Variants in METTL15 observed in about 807,000 individuals in gnomAD.
METTL15 encodes 12S rRNA N(4)-cytidine methyltransferase METTL15.
METTL15 carries 34 observed loss-of-function variants against 38.3 expected under a neutral mutation model. That is an observed-to-expected ratio of 0.89 (90% CI 0.68 to 1.18). The LOEUF (loss-of-function observed/expected upper bound fraction) is 1.18. Ranked by LOEUF, METTL15 falls within the 50% of genes most tolerant of loss-of-function variation. The probability of loss-of-function intolerance (pLI) is 0.00; values close to 1 mark genes in which losing one functional copy is unlikely to be tolerated. For missense variants in METTL15, 438 were observed against 498.4 expected (o/e 0.88, Z 1.15); for synonymous variants, 162 against 170.9 (o/e 0.95, Z 0.41).
intron 6 of METTL15, among the ~76,000 whole-genome samples, chr11:28,309,487 A>G (rs780248586): frequency 5.9e-5 from 9 of 152,068 alleles, no homozygotes; most frequent in Non-Finnish European, 1.0e-4. Context: ...TTCACTTTGC[A>G]TTTTTAATTA....
At chr11:28,490,626 T>A (rs1455377685) in intron 6 of METTL15, among the ~76,000 whole-genome samples, 1 of 152,118 alleles carries the variant, frequency 6.6e-6, no homozygotes, top group Non-Finnish European at 1.5e-5. Context: ...ATTCTTAATG[T>A]GCAGTTAGGG....
chr11:28,341,633 T>G (rs1184396853), intron 3 of METTL15, among the ~76,000 whole-genome samples: 7 of 152,212 alleles, frequency 4.6e-5, no homozygotes, highest in African/African-American at 1.4e-4. Flanking sequence ...CATGAATATT[T>G]ATATATACAA....
chr11:28,196,932 T>C (rs1851931024), intron 3 of METTL15, among the ~76,000 whole-genome samples: 1 of 151,940 alleles, frequency 6.6e-6, no homozygotes, highest in African/African-American at 2.4e-5. Context: ...TTCCAAACTA[T>C]GATTAGTGGT....
intron 4 of METTL15, among the ~76,000 whole-genome samples, chr11:28,219,715 T>G (rs895770557): frequency 6.6e-6 from 1 of 152,208 alleles, no homozygotes; most frequent in African/African-American, 2.4e-5. Context: ...TAAATTTCCC[T>G]CTACACACTG....
intron 3 of METTL15, among the ~76,000 whole-genome samples, chr11:28,341,305 T>TA (rs1206532381): frequency 5.0e-4 from 76 of 152,296 alleles, no homozygotes; most frequent in Admixed American, 1.6e-3. Context: ...TCTCAAAACT[T>TA]AAAGTATAAT....
intron 3 of METTL15, among the ~76,000 whole-genome samples, chr11:28,131,962 G>A (rs1465035449): frequency 6.6e-6 from 1 of 152,136 alleles, no homozygotes; most frequent in African/African-American, 2.4e-5. Context: ...AATTTAGAGT[G>A]ATTAAAAAAA....
At chr11:28,479,949 A>G (rs935366883) in intron 6 of METTL15, among the ~76,000 whole-genome samples, 6 of 152,096 alleles carry the variant, frequency 3.9e-5, no homozygotes, top group Middle Eastern at 3.2e-3. Context: ...CACCTTATCT[A>G]TTGTTATTGA....
At chr11:28,274,841 C>T (rs1328855687) in intron 4 of METTL15, among the ~76,000 whole-genome samples, 7 of 150,140 alleles carry the variant, frequency 4.7e-5, no homozygotes, top group Non-Finnish European at 8.9e-5. Flanking sequence ...ATGTAAATGA[C>T]GAGTTAATGG....
intron 3 of METTL15, among the ~76,000 whole-genome samples, chr11:28,157,766 C>T (rs772133946): frequency 3.9e-5 from 6 of 152,252 alleles, no homozygotes; most frequent in Non-Finnish European, 7.4e-5. Flanking sequence ...CAAATGCCCA[C>T]GGTCCCCACT....
chr11:28,489,753 G>C (rs546157095), intron 6 of METTL15, among the ~76,000 whole-genome samples: 1 of 152,022 alleles, frequency 6.6e-6, no homozygotes, highest in Non-Finnish European at 1.5e-5. Flanking sequence ...CCTCAGGTTC[G>C]TCAGCTATAT....
chr11:28,202,417 G>A lies in METTL15; in HGVS notation c.271-8645G>A, dbSNP rs1014907194. ...TCTGGTTTTTGACTCCTTATGGAAT[G>A]CTATGTATATCTTTCTTACATTGCT... is the stretch of plus-strand genomic sequence containing the variant. On this transcript the variant is annotated intron_variant, in intron 3 of 6. Transcript: ENST00000407364. Among the ~76,000 whole-genome samples, 13 of 151,934 alleles carry A rather than the reference G, an allele frequency of 8.6e-5. 1 individual carries two copies. The South Asian group carries it at 2.1e-3, about 24-fold the overall frequency.
intron 6 of METTL15, among the ~76,000 whole-genome samples, chr11:28,452,867 G>A (rs1005815051): frequency 1.3e-5 from 2 of 152,196 alleles, no homozygotes; most frequent in Admixed American, 6.5e-5. Context: ...CTTATCAAGA[G>A]CTGATTCTGT....
chr11:28,469,125 T>C (rs995934124), intron 6 of METTL15, among the ~76,000 whole-genome samples: 1 of 152,192 alleles, frequency 6.6e-6, no homozygotes, highest in African/African-American at 2.4e-5. Flanking sequence ...TTTAGTGCCA[T>C]GTGACACAAC....
intron 6 of METTL15, among the ~76,000 whole-genome samples, chr11:28,320,741 G>A (rs933603384): frequency 1.3e-4 from 20 of 152,214 alleles, no homozygotes; most frequent in African/African-American, 4.6e-4. Context: ...TAGCTAGATG[G>A]TTTAAATACA....
intron 4 of METTL15, among the ~76,000 whole-genome samples, chr11:28,237,155 C>G (rs1481256765): frequency 2.0e-5 from 3 of 152,230 alleles, no homozygotes; most frequent in South Asian, 2.1e-4. Context: ...GCCTGCCTTG[C>G]TAGTTTGGGG....
intron 4 of METTL15, among the ~76,000 whole-genome samples, chr11:28,223,308 GA>G (rs1853328905): frequency 6.6e-6 from 1 of 151,970 alleles, no homozygotes; most frequent in South Asian, 2.1e-4. Context: ...ATGCAAAATA[GA>G]AAATTCAGAG....
chr11:28,219,924 GAC>G (rs1853110948), intron 4 of METTL15, among the ~76,000 whole-genome samples: 1 of 152,158 alleles, frequency 6.6e-6, no homozygotes, highest in Admixed American at 6.5e-5. Flanking sequence ...TGGTCTGAGA[GAC>G]AGTTCGTTAT....
chr11:28,123,739 G>A (rs1285467361), intron 3 of METTL15: 1 of 534,342 alleles, frequency 1.9e-6, no homozygotes, highest in African/African-American at 2.0e-5. Flanking sequence ...TGCTAATTTA[G>A]GCATATATTT....
At chr11:28,393,712 C>T (rs1850536697) in intron 5 of METTL15, among the ~76,000 whole-genome samples, 1 of 151,958 alleles carries the variant, frequency 6.6e-6, no homozygotes, top group Admixed American at 6.6e-5. Context: ...TATGATCTAC[C>T]CTTGGAAATT....
Sources: gnomAD v4.1 joint callset for allele counts (sites outside exome capture counted in the v4.1 genomes callset) on GRCh38, gnomAD v4.1.1 for gene constraint, MANE v1.5 for transcripts, NCBI Gene and HGNC (gene_info 2026-07-23, HGNC 2026-07-21) for gene names.